Variants in CHD9 observed in about 807,000 individuals in gnomAD.
CHD9 encodes ATP-dependent chromatin remodeler CHD9.
Under a neutral mutation model 316.1 loss-of-function variants are expected in CHD9, and 77 were observed. The ratio of observed to expected loss-of-function variants is 0.24; its 90% CI spans 0.20 to 0.29. The LOEUF is 0.29. CHD9 is among the 10% of genes least tolerant of loss of function. The probability of loss-of-function intolerance (pLI) is 1.00; values close to 1 mark genes in which losing one functional copy is unlikely to be tolerated. For missense variants in CHD9, 2,763 were observed against 3,438.1 expected (o/e 0.80, Z 4.91); for synonymous variants, 1,129 against 1,158.3 (o/e 0.97, Z 0.51).
intron 4 of CHD9, among the ~76,000 whole-genome samples, chr16:53,223,839 C>T (rs551989291): frequency 1.2e-3 from 187 of 152,136 alleles, no homozygotes; most frequent in Non-Finnish European, 1.6e-3. Context: ...TTGATTGTGT[C>T]ATTAAATAAA....
chr16:53,082,203 TA>T (rs1458666735), intron 1 of CHD9, among the ~76,000 whole-genome samples: 43 of 12,122 alleles, frequency 3.5e-3, no homozygotes, highest in African/African-American at 0.011. Context: ...GAGAACATTT[TA>T]TTTATTTATT....
chr16:53,229,761 T>C (rs533213703), intron 8 of CHD9, among the ~76,000 whole-genome samples: 1 of 152,356 alleles, frequency 6.6e-6, no homozygotes, highest in East Asian at 1.9e-4. Flanking sequence ...CTCTCTGTCA[T>C]ACACACACGT....
At chr16:53,239,449 G>T (rs12928984) in intron 12 of CHD9, among the ~76,000 whole-genome samples, 1 of 151,886 alleles carries the variant, frequency 6.6e-6, no homozygotes, top group Non-Finnish European at 1.5e-5. Flanking sequence ...TTTTAAAAAA[G>T]AAAACATTCA....
intron 24 of CHD9, among the ~76,000 whole-genome samples, chr16:53,276,076 A>G (rs1230692935): frequency 6.6e-6 from 1 of 152,082 alleles, no homozygotes; most frequent in East Asian, 1.9e-4. Flanking sequence ...ACATCTTAAC[A>G]CTTACTCACT....
chr16:53,090,653 G>A (rs1567320331), intron 1 of CHD9, among the ~76,000 whole-genome samples: 1 of 152,134 alleles, frequency 6.6e-6, no homozygotes, highest in African/African-American at 2.4e-5. Context: ...TGAAGCCCAG[G>A]GCCCCAGAGT....
intron 1 of CHD9, among the ~76,000 whole-genome samples, chr16:53,107,494 A>T (rs866310626): frequency 2.0e-5 from 2 of 100,374 alleles, no homozygotes; most frequent in African/African-American, 4.5e-5. Flanking sequence ...TAAAATAAAT[A>T]AAATAAAATA....
At chr16:53,164,255 C>T (rs939107302) in intron 2 of CHD9, among the ~76,000 whole-genome samples, 7 of 152,012 alleles carry the variant, frequency 4.6e-5, no homozygotes, top group African/African-American at 1.7e-4. Flanking sequence ...AGAGGAAGAA[C>T]CAATGCCAAA....
chr16:53,223,341 C>T (rs1465457171), intron 4 of CHD9: 1 of 151,342 alleles, frequency 6.6e-6, no homozygotes, highest in Non-Finnish European at 1.5e-5. Flanking sequence ...ATCCAGGCCA[C>T]CCTCTGCTCT....
chr16:53,315,133 G>A (rs2056783550), intron 36 of CHD9, 89 bp downstream of exon 36: 3 of 889,722 alleles, frequency 3.4e-6, no homozygotes, highest in Non-Finnish European at 5.2e-6. Flanking sequence ...ATCCACTTAT[G>A]CTAAATATGT....
chr16:53,091,728 G>A (rs1229901586), intron 1 of CHD9, among the ~76,000 whole-genome samples: 2 of 152,140 alleles, frequency 1.3e-5, no homozygotes, highest in Admixed American at 6.5e-5. Flanking sequence ...AGGAGCAAAC[G>A]AGTGCCTGGT....
At chr16:53,095,742 T>C (rs995322795) in intron 1 of CHD9, among the ~76,000 whole-genome samples, 1 of 152,184 alleles carries the variant, frequency 6.6e-6, no homozygotes, top group African/African-American at 2.4e-5. Context: ...GAATCTCCTG[T>C]TAGTGGACAT....
intron 1 of CHD9, among the ~76,000 whole-genome samples, chr16:53,145,156 C>CT (rs959960793): frequency 8.9e-4 from 129 of 144,262 alleles, no homozygotes; most frequent in African/African-American, 1.1e-3. Flanking sequence ...AATCCCAGCA[C>CT]TTTTTTTTTT....
Position 53,104,431 on chromosome 16 carries a change from A to T in CHD9, c.-165+49354A>T, listed in dbSNP as rs1482856757. 3.9e-5 allele frequency among the ~76,000 whole-genome samples: 6 copies of T among 152,080 alleles called. No homozygotes were observed. In the East Asian group the frequency reaches 9.7e-4, roughly 24 times the overall value. The stretch of plus-strand genomic sequence containing the variant: ...CCCCTAGCTGAAAGCACCCAACTCA[A>T]CTCATCACCCTGGAGGAGAGATTCT... On this transcript the variant is annotated intron_variant, in intron 1 of 38. Coordinates refer to ENST00000447540, the MANE Select transcript of CHD9 (RefSeq NM_001308319.2).
At chr16:53,220,957 T>C (rs1597489484) in intron 3 of CHD9, among the ~76,000 whole-genome samples, 1 of 152,244 alleles carries the variant, frequency 6.6e-6, no homozygotes, top group East Asian at 1.9e-4. Flanking sequence ...CCCCCTTTAC[T>C]CTTCAGTAAG....
intron 1 of CHD9, among the ~76,000 whole-genome samples, chr16:53,146,027 G>A (rs961930270): frequency 2.0e-5 from 3 of 151,770 alleles, no homozygotes; most frequent in Admixed American, 1.3e-4. Flanking sequence ...TATATTCATC[G>A]AAATGACAGT....
intron 1 of CHD9, among the ~76,000 whole-genome samples, chr16:53,108,834 C>T (rs62047975): frequency 0.27 from 41,311 of 151,550 alleles, 6,984 homozygotes; most frequent in Non-Finnish European, 0.38. Flanking sequence ...GAGATCGATC[C>T]ATTGCACCGA....
chr16:53,275,917 C>G (rs1490807146), intron 24 of CHD9, among the ~76,000 whole-genome samples: 3 of 152,182 alleles, frequency 2.0e-5, no homozygotes, highest in African/African-American at 7.2e-5. Flanking sequence ...CCCACTACAG[C>G]CGCATAATCA....
intron 1 of CHD9, among the ~76,000 whole-genome samples, chr16:53,108,077 C>T (rs1293478284): frequency 1.3e-5 from 2 of 152,184 alleles, no homozygotes; most frequent in Non-Finnish European, 2.9e-5. Flanking sequence ...AAGTCATAAA[C>T]TTTCCTTGTG....
intron 1 of CHD9, among the ~76,000 whole-genome samples, chr16:53,139,365 G>A (rs1366856989): frequency 6.6e-6 from 1 of 152,124 alleles, no homozygotes; most frequent in Non-Finnish European, 1.5e-5. Context: ...TATTAACCTT[G>A]TATTAATAAG....
Sources: gnomAD v4.1 joint callset for allele counts (sites outside exome capture counted in the v4.1 genomes callset) on GRCh38, gnomAD v4.1.1 for gene constraint, MANE v1.5 for transcripts, NCBI Gene and HGNC (gene_info 2026-07-23, HGNC 2026-07-21) for gene names.